The following AGBL4 variants were observed in gnomAD, a reference collection of about 807,000 sequenced individuals.
The protein encoded by AGBL4 is AGBL carboxypeptidase 4, also known as cytosolic carboxypeptidase 6.
AGBL4 carries 58 observed loss-of-function variants against 66.4 expected under a neutral mutation model. That is an observed-to-expected ratio of 0.87 (90% CI 0.71 to 1.09). The LOEUF (loss-of-function observed/expected upper bound fraction) is 1.09. AGBL4 is among the 50% of genes least tolerant of loss of function. The pLI is 0.00. For synonymous variants in AGBL4, 234 were observed against 222.9 expected, an observed-to-expected ratio of 1.05 and a Z score of -0.44; for missense variants, 579 against 631.0, an observed-to-expected ratio of 0.92 and a Z score of 0.88.
chr1:49,988,047 C>T (rs1215752378), intron 1 of AGBL4, among the ~76,000 whole-genome samples: 1 of 151,702 alleles, frequency 6.6e-6, no homozygotes, highest in African/African-American at 2.4e-5. Context: ...TATAGGAAGA[C>T]TCAAAGACAA....
chr1:49,231,880 C>A (rs999620503), intron 4 of AGBL4, among the ~76,000 whole-genome samples: 2 of 152,152 alleles, frequency 1.3e-5, no homozygotes, highest in African/African-American at 4.8e-5. Context: ...GTATTCAACA[C>A]TTTATTATAA....
chr1:49,132,550 G>A (rs1218165494), intron 4 of AGBL4, among the ~76,000 whole-genome samples: 1 of 152,060 alleles, frequency 6.6e-6, no homozygotes, highest in African/African-American at 2.4e-5. Context: ...CAAGTTCTAT[G>A]CCACTGGAAG....
intron 6 of AGBL4, among the ~76,000 whole-genome samples, chr1:48,843,401 A>G (rs1015146851): frequency 6.6e-6 from 1 of 152,124 alleles, no homozygotes; most frequent in Non-Finnish European, 1.5e-5. Flanking sequence ...TTTTAAAATT[A>G]AGTTCAAAAG....
intron 5 of AGBL4, among the ~76,000 whole-genome samples, chr1:48,930,816 A>C (rs2148902513): frequency 1.3e-5 from 2 of 152,298 alleles, no homozygotes; most frequent in South Asian, 4.1e-4. Flanking sequence ...TCATTCATTC[A>C]TTCATTCAAT....
chr1:49,095,406 G>A (rs1022918495), intron 4 of AGBL4, among the ~76,000 whole-genome samples: 1 of 152,176 alleles, frequency 6.6e-6, no homozygotes, highest in African/African-American at 2.4e-5. Context: ...AACAAAGCTG[G>A]AGGCATCACG....
intron 9 of AGBL4, among the ~76,000 whole-genome samples, chr1:48,596,883 A>G (rs1179150882): frequency 6.6e-6 from 1 of 152,154 alleles, no homozygotes; most frequent in Non-Finnish European, 1.5e-5. Flanking sequence ...GAAAGGAACA[A>G]CCACGTAAGA....
intron 3 of AGBL4, among the ~76,000 whole-genome samples, chr1:49,575,483 T>C (rs537241336): frequency 6.6e-6 from 1 of 152,192 alleles, no homozygotes; most frequent in South Asian, 2.1e-4. Context: ...ACAATATCAA[T>C]CCCTGCAGGG....
intron 1 of AGBL4, chr1:49,995,291 A>G (rs1660282252): frequency 8.8e-6 from 4 of 454,632 alleles, no homozygotes; most frequent in African/African-American, 2.0e-5. Flanking sequence ...GCCTGGAAAT[A>G]AACTCAGTGC....
At chr1:49,916,609 T>A (rs1007697626) in intron 1 of AGBL4, among the ~76,000 whole-genome samples, 8 of 152,198 alleles carry the variant, frequency 5.3e-5, no homozygotes, top group Non-Finnish European at 2.9e-5. Context: ...TACGTCTGAT[T>A]GGTATACCTG....
chr1:48,704,154 C>T (rs902662826), intron 6 of AGBL4, among the ~76,000 whole-genome samples: 2 of 152,080 alleles, frequency 1.3e-5, no homozygotes, highest in Non-Finnish European at 2.9e-5. Flanking sequence ...TGCCAAAAGG[C>T]CAAAAAGTGA....
chr1:49,442,119 T>C (rs1445442694), intron 3 of AGBL4, among the ~76,000 whole-genome samples: 3 of 152,138 alleles, frequency 2.0e-5, no homozygotes, highest in Non-Finnish European at 4.4e-5. Context: ...TTAAAATTAG[T>C]GTGTTTAATT....
At chr1:48,691,891 C>G (rs1646639083) in intron 6 of AGBL4, among the ~76,000 whole-genome samples, 1 of 152,214 alleles carries the variant, frequency 6.6e-6, no homozygotes, top group African/African-American at 2.4e-5. Context: ...CCTTCCACCT[C>G]TGTGCCTTTG....
At chr1:48,915,047 C>G (rs10430110) in intron 5 of AGBL4, among the ~76,000 whole-genome samples, 16,928 of 152,248 alleles carry the variant, frequency 0.11, 1,060 homozygotes, top group African/African-American at 0.14. Context: ...GTGAGGAAAT[C>G]TCTATCGTGT....
At chr1:49,377,028 T>C (rs1644485453) in intron 3 of AGBL4, among the ~76,000 whole-genome samples, 1 of 152,132 alleles carries the variant, frequency 6.6e-6, no homozygotes, top group Non-Finnish European at 1.5e-5. Flanking sequence ...ATAACTCATA[T>C]ATACTACTTG....
chr1:49,874,462 C>A (rs955361809), intron 1 of AGBL4, among the ~76,000 whole-genome samples: 3 of 151,874 alleles, frequency 2.0e-5, no homozygotes, highest in Non-Finnish European at 4.4e-5. Flanking sequence ...GCTAAAAAAC[C>A]CAATAAAGTT....
At chr1:49,266,576 C>A (rs1307838613) in intron 3 of AGBL4, among the ~76,000 whole-genome samples, 1 of 151,314 alleles carries the variant, frequency 6.6e-6, no homozygotes, top group Non-Finnish European at 1.5e-5. Flanking sequence ...AAGACTGGGC[C>A]CTTTGCCCTT....
intron 6 of AGBL4, among the ~76,000 whole-genome samples, chr1:48,772,028 C>T (rs2148696012): frequency 6.6e-6 from 1 of 152,224 alleles, no homozygotes; most frequent in East Asian, 1.9e-4. Flanking sequence ...ATTTCCCTCT[C>T]CTCAAGCACA....
At chr1:49,952,626 C>T (rs1656258749) in intron 1 of AGBL4, among the ~76,000 whole-genome samples, 1 of 151,896 alleles carries the variant, frequency 6.6e-6, no homozygotes, top group Non-Finnish European at 1.5e-5. Context: ...TTCTTTTGAC[C>T]TCTATTCACT....
chr1:49,388,344 G>A (rs1041216625), intron 3 of AGBL4, among the ~76,000 whole-genome samples: 1 of 152,024 alleles, frequency 6.6e-6, no homozygotes, highest in African/African-American at 2.4e-5. Context: ...AATGGGCATT[G>A]TTGTGTTAAA....
Sources: gnomAD v4.1 joint callset for allele counts (sites outside exome capture counted in the v4.1 genomes callset) on GRCh38, gnomAD v4.1.1 for gene constraint, MANE v1.5 for transcripts, NCBI Gene and HGNC (gene_info 2026-07-23, HGNC 2026-07-21) for gene names.